RB1CC1: variants seen among roughly 807,000 people sequenced by gnomAD.
RB1CC1 encodes the protein RB1 inducible coiled-coil 1, also known as RB1-inducible coiled-coil protein 1.
Under a neutral mutation model 177.5 loss-of-function variants are expected in RB1CC1, and 46 were observed. The observed-to-expected ratio is 0.26, with a 90% CI of 0.20 to 0.33. The LOEUF (loss-of-function observed/expected upper bound fraction) is 0.33, where lower values mean the gene tolerates loss of function less well. Ranked by LOEUF, RB1CC1 falls within the 10% of genes least tolerant of loss-of-function variation. The pLI is 1.00. For missense variants in RB1CC1, 1,703 were observed against 1,816.3 expected (o/e 0.94, Z 1.13); for synonymous variants, 666 against 613.6 (o/e 1.09, Z -1.26).
chr8:52,708,601 C>T (rs1856793323), intron 1 of RB1CC1, among the ~76,000 whole-genome samples: 2 of 152,114 alleles, frequency 1.3e-5, no homozygotes, highest in African/African-American at 4.8e-5. Flanking sequence ...CACAGGTGGC[C>T]TATAGTATTC....
chr8:52,646,170 T>C (rs1223924944), intron 15 of RB1CC1, among the ~76,000 whole-genome samples: 1 of 152,176 alleles, frequency 6.6e-6, no homozygotes, highest in Non-Finnish European at 1.5e-5. Context: ...GTAGCCATTC[T>C]TTTATTCTTT....
chr8:52,625,900 T>A (rs1848354274), intron 22 of RB1CC1, among the ~76,000 whole-genome samples: 1 of 152,312 alleles, frequency 6.6e-6, no homozygotes, highest in Non-Finnish European at 1.5e-5. Context: ...AAAGAAGGCA[T>A]ACGGATTTTT....
chr8:52,709,788 T>C (rs1382222578), intron 1 of RB1CC1, among the ~76,000 whole-genome samples: 2 of 152,154 alleles, frequency 1.3e-5, no homozygotes, highest in Non-Finnish European at 2.9e-5. Flanking sequence ...CCTTATATGA[T>C]AAGGTGAAAG....
Position 52,656,567 on chromosome 8 carries a change from T to G in RB1CC1, c.3262A>C (p.Thr1088Pro). 6.2e-7 allele frequency: 1 copy of G among 1,611,350 alleles called. No individual in the cohort carries two copies. The stretch of plus-strand genomic sequence containing the variant: ...TCTTGTTCAAGAAGAGATTTCAAGG[T>G]CTCCTTCTGCTGGGCTCTGCTTTCT... ...LEESRAQQKE[T>P]LKSLLEQETE... The change falls in exon 15 of 24, where the codon ACC (threonine) becomes CCC (proline). Residue 1088 changes from threonine (T) to proline (P), a missense_variant. Thr to Pro is a conservative substitution (Grantham distance 38, BLOSUM62 -1). Coordinates refer to ENST00000025008, the MANE Select transcript of RB1CC1 (RefSeq NM_014781.5).
intron 18 of RB1CC1, among the ~76,000 whole-genome samples, chr8:52,640,128 T>C (rs1431795609): frequency 6.6e-6 from 1 of 152,168 alleles, no homozygotes; most frequent in African/African-American, 2.4e-5. Flanking sequence ...ATACTTTGGT[T>C]CTGAATAACT....
chr8:52,639,401 C>G (rs1289554252), intron 18 of RB1CC1, among the ~76,000 whole-genome samples: 1 of 152,104 alleles, frequency 6.6e-6, no homozygotes, highest in African/African-American at 2.4e-5. Flanking sequence ...CTGATGTACT[C>G]TGTTAATTCT....
chr8:52,649,380 T>C (rs964240133), intron 15 of RB1CC1, among the ~76,000 whole-genome samples: 3 of 152,224 alleles, frequency 2.0e-5, no homozygotes, highest in Non-Finnish European at 2.9e-5. Context: ...ACCATTAAAA[T>C]GTCAGTTCTA....
chr8:52,657,807 C>T lies in RB1CC1; in HGVS notation c.2022G>A (p.Leu674=). The stretch of plus-strand genomic sequence containing the variant: ...CAGGACATAAGGGATCCTGAACAGT[C>T]AGTGGTGGAGGAGTTCTCGGTGAGG... ...TTTSPRTPPP[L]TVQDPLCPAV... is the part of the protein sequence containing the mutation. The change falls in exon 15 of 24, where the codon CTG becomes CTA. Residue 674 remains leucine (L), a synonymous_variant. Coordinates refer to ENST00000025008, the MANE Select transcript of RB1CC1 (RefSeq NM_014781.5). 1 of 1,613,560 alleles carries T rather than the reference C, an allele frequency of 6.2e-7. No individual in the cohort carries two copies.
chr8:52,660,905 A>G lies in RB1CC1; in HGVS notation c.1627+21T>C, dbSNP rs1171914799. ...CTTTTATCCTTTACAAAAGTAATTA[A>G]AATTATTAATGAACACTTACTAAAT... On this transcript the variant is annotated intron_variant, in intron 11 of 23. Coordinates refer to ENST00000025008, the MANE Select transcript of RB1CC1 (RefSeq NM_014781.5). The G allele has an allele frequency of 2.5e-6, 4 of 1,578,212 alleles. No individual in the cohort carries two copies. In the African/African-American group the frequency reaches 5.5e-5, roughly 22 times the overall value.
At chr8:52,704,106 A>T (rs1304195032) in intron 1 of RB1CC1, among the ~76,000 whole-genome samples, 4 of 152,126 alleles carry the variant, frequency 2.6e-5, no homozygotes, top group African/African-American at 9.7e-5. Flanking sequence ...AATAAAAAAT[A>T]CTTGGAAAGA....
At chr8:52,700,588 G>T (rs1855964651) in intron 1 of RB1CC1, among the ~76,000 whole-genome samples, 2 of 152,032 alleles carry the variant, frequency 1.3e-5, no homozygotes, top group African/African-American at 4.8e-5. Flanking sequence ...AATTAAGTGT[G>T]GACTAAGCAT....
intron 1 of RB1CC1, among the ~76,000 whole-genome samples, chr8:52,691,900 G>A (rs532451836): frequency 1.5e-3 from 231 of 152,236 alleles, no homozygotes; most frequent in African/African-American, 5.3e-3. Context: ...TAAGTAAATG[G>A]CACATAAAAT....
intron 15 of RB1CC1, among the ~76,000 whole-genome samples, chr8:52,655,477 C>T (rs1460196774): frequency 1.3e-5 from 2 of 152,104 alleles, no homozygotes; most frequent in African/African-American, 4.8e-5. Context: ...CACCAATCCA[C>T]AACCACAGTA....
At chr8:52,695,950 C>G (rs778573374) in intron 1 of RB1CC1, among the ~76,000 whole-genome samples, 7 of 152,148 alleles carry the variant, frequency 4.6e-5, no homozygotes, top group Non-Finnish European at 1.0e-4. Flanking sequence ...TTCTGGGCAC[C>G]GCCAAACTTG....
At chr8:52,675,802 G>A (rs1490379610) in intron 6 of RB1CC1, among the ~76,000 whole-genome samples, 2 of 150,482 alleles carry the variant, frequency 1.3e-5, no homozygotes, top group Non-Finnish European at 3.0e-5. Flanking sequence ...CAGAAGAATG[G>A]AGTAAACCTG....
intron 1 of RB1CC1, among the ~76,000 whole-genome samples, chr8:52,705,410 TTTACCCTTCAGATTACTACTAATGA>T (rs1856457298): frequency 6.6e-6 from 1 of 152,188 alleles, no homozygotes; most frequent in Non-Finnish European, 1.5e-5. Context: ...GGTACTACTT[TTTACCCTTCAGATTACTACTAATGA>T]TTAAAATGAG....
intron 1 of RB1CC1, among the ~76,000 whole-genome samples, chr8:52,692,103 C>T (rs1186849903): frequency 6.6e-6 from 1 of 150,556 alleles, no homozygotes; most frequent in Non-Finnish European, 1.5e-5. Context: ...TAAACCAAAA[C>T]AAAAGTAAAC....
intron 18 of RB1CC1, among the ~76,000 whole-genome samples, chr8:52,638,641 GATT>G (rs1381429048): frequency 3.3e-5 from 5 of 151,900 alleles, no homozygotes; most frequent in Admixed American, 2.6e-4. Flanking sequence ...ATGTAATATT[GATT>G]ATTGTTTTCC....
intron 1 of RB1CC1, among the ~76,000 whole-genome samples, chr8:52,696,856 A>C (rs1855460966): frequency 6.6e-6 from 1 of 152,116 alleles, no homozygotes; most frequent in Non-Finnish European, 1.5e-5. Flanking sequence ...TACAAAAATT[A>C]GCCAGGCATG....
Sources: gnomAD v4.1 joint callset for allele counts (sites outside exome capture counted in the v4.1 genomes callset) on GRCh38, gnomAD v4.1.1 for gene constraint, MANE v1.5 for transcripts, NCBI Gene and HGNC (gene_info 2026-07-23, HGNC 2026-07-21) for gene names.